Variants in SLC44A1 observed in about 807,000 individuals in gnomAD.
SLC44A1 encodes solute carrier family 44 member 1.
Under a neutral mutation model 79.3 loss-of-function variants are expected in SLC44A1, and 26 were observed. The ratio of observed to expected loss-of-function variants is 0.33; its 90% CI spans 0.24 to 0.46. The LOEUF (loss-of-function observed/expected upper bound fraction) is 0.46. Among genes scored for constraint, SLC44A1 ranks in the 20% least tolerant of loss-of-function variants. The pLI, the probability that SLC44A1 is intolerant of heterozygous loss-of-function variation, is 1.00. For missense variants in SLC44A1, 688 were observed against 798.1 expected (o/e 0.86, Z 1.66); for synonymous variants, 263 against 286.2 (o/e 0.92, Z 0.82).
intron 3 of SLC44A1, among the ~76,000 whole-genome samples, chr9:105,314,100 C>T (rs1193817871): frequency 1.3e-5 from 2 of 152,088 alleles, no homozygotes; most frequent in African/African-American, 4.8e-5. Flanking sequence ...AGAGAGGAAG[C>T]TCGCTGTCTT....
At chr9:105,310,042 T>C (rs1019159677) in intron 3 of SLC44A1, among the ~76,000 whole-genome samples, 176 bp downstream of exon 3, 1 of 152,186 alleles carries the variant, frequency 6.6e-6, no homozygotes, top group African/African-American at 2.4e-5. Context: ...CTTATTGGTC[T>C]ACAAATAACA....
At chr9:105,275,874 A>C (rs768132397) in intron 1 of SLC44A1, among the ~76,000 whole-genome samples, 1 of 149,840 alleles carries the variant, frequency 6.7e-6, no homozygotes, top group Non-Finnish European at 1.5e-5. Context: ...GCGCGATCTC[A>C]GCTCACTGCA....
chr9:105,328,551 A>G (rs1564440139), intron 3 of SLC44A1, among the ~76,000 whole-genome samples: 2 of 152,172 alleles, frequency 1.3e-5, no homozygotes, highest in African/African-American at 2.4e-5. Context: ...GTGAGGTTAG[A>G]GAGGTGCACA....
At position 105,389,342 on chromosome 9, in the gene SLC44A1, A is replaced by G. The variant is rs1828706642; in HGVS notation, c.*286A>G. The stretch of plus-strand genomic sequence containing the variant: ...TTCAACTGTAATTGTCTTAATGGAA[A>G]TGTTAAAATTCATATCTGATTAACA... On this transcript the variant is annotated 3_prime_UTR_variant, in exon 16 of 16. Transcript: ENST00000374720. 3 of 1,134,606 alleles carry G rather than the reference A, an allele frequency of 2.6e-6. No individual in the cohort carries two copies. The East Asian group carries it at 1.4e-4, about 52-fold the overall frequency. The allele number at this position is 1,134,606 out of a possible 1,614,324, so 70.3% of individuals were successfully genotyped here.
intron 1 of SLC44A1, among the ~76,000 whole-genome samples, chr9:105,260,100 A>T (rs1017231938): frequency 6.6e-6 from 1 of 152,224 alleles, no homozygotes; most frequent in Non-Finnish European, 1.5e-5. Context: ...TCTCCCAAGT[A>T]TGTGCTTCCA....
intron 15 of SLC44A1, among the ~76,000 whole-genome samples, chr9:105,387,060 A>AAAAAAAAATAT (rs34780893): frequency 1.3e-4 from 1 of 7,716 alleles, no homozygotes; most frequent in African/African-American, 4.1e-4. Context: ...AAAAAAAAAA[A>AAAAAAAAATAT]ATATATATAT....
chr9:105,355,083 T>C (rs575923957), intron 5 of SLC44A1, among the ~76,000 whole-genome samples: 24 of 152,354 alleles, frequency 1.6e-4, no homozygotes, highest in African/African-American at 5.8e-4. Flanking sequence ...TAAGAACAAT[T>C]CTGGAAATGT....
chr9:105,345,073 G>GC (rs1414779639), intron 4 of SLC44A1, among the ~76,000 whole-genome samples: 3 of 152,176 alleles, frequency 2.0e-5, no homozygotes, highest in Non-Finnish European at 4.4e-5. Flanking sequence ...GCTTTAGGAG[G>GC]ACCTTGAATC....
intron 5 of SLC44A1, among the ~76,000 whole-genome samples, chr9:105,352,468 T>C (rs1005358454): frequency 5.3e-5 from 8 of 152,178 alleles, no homozygotes; most frequent in Non-Finnish European, 1.2e-4. Flanking sequence ...AATTTTCATA[T>C]GAGGGACTAA....
intron 3 of SLC44A1, among the ~76,000 whole-genome samples, chr9:105,315,401 A>T (rs925645269): frequency 4.6e-5 from 7 of 151,872 alleles, no homozygotes; most frequent in Admixed American, 6.6e-5. Flanking sequence ...ATTTTAAGGA[A>T]ACTCCATATT....
intron 12 of SLC44A1, among the ~76,000 whole-genome samples, chr9:105,368,103 G>C (rs993723133): frequency 6.6e-6 from 1 of 151,996 alleles, no homozygotes; most frequent in Non-Finnish European, 1.5e-5. Flanking sequence ...ATGATATCAA[G>C]ATAGTCGATA....
At chr9:105,436,871 G>A (rs1489812072) in intron 15 of SLC44A1, among the ~76,000 whole-genome samples, 1 of 152,142 alleles carries the variant, frequency 6.6e-6, no homozygotes, top group East Asian at 1.9e-4. Context: ...CATGTGACCT[G>A]TTTTAAGCAC....
intron 15 of SLC44A1, 93 bp downstream of exon 15, chr9:105,385,595 A>G: frequency 6.5e-7 from 1 of 1,527,612 alleles, no homozygotes; most frequent in Admixed American, 2.1e-5. Flanking sequence ...CTTCAGGAGA[A>G]GCTTTTGTTA....
intron 1 of SLC44A1, among the ~76,000 whole-genome samples, chr9:105,278,774 A>G (rs1703469651): frequency 6.6e-6 from 1 of 152,240 alleles, no homozygotes; most frequent in South Asian, 2.1e-4. Flanking sequence ...CAGCTACCAC[A>G]TATGCTAAAG....
At chr9:105,323,164 C>T (rs1247210116) in intron 3 of SLC44A1, among the ~76,000 whole-genome samples, 7 of 142,200 alleles carry the variant, frequency 4.9e-5, no homozygotes, top group South Asian at 2.2e-4. Context: ...TGCAGTGAGC[C>T]GAGATCATGC....
intron 1 of SLC44A1, among the ~76,000 whole-genome samples, chr9:105,260,230 A>G (rs370758081): frequency 1.7e-4 from 26 of 152,272 alleles, no homozygotes; most frequent in African/African-American, 5.8e-4. Context: ...CCATTTGAAA[A>G]GTAATCATGC....
At position 105,362,866 on chromosome 9, in the gene SLC44A1, C is replaced by G; in HGVS notation, c.946C>G (p.Leu316Val). The change falls in exon 9 of 16, where the codon CTT (leucine) becomes GTT (valine). Residue 316 changes from leucine to valine, a missense_variant. By Grantham distance (32) the Leu-to-Val change is conservative. Transcript: ENST00000374720. ...IMLVMRKRVALTIALFHVAGK... is the reference protein window; with the variant it reads ...IMLVMRKRVAVTIALFHVAGK... ...GTTGGTTATGCGCAAACGTGTTGCTCTTACCATCGCCTTGTTCCACGTAGC... is the reference window on the plus strand; with the variant it reads ...GTTGGTTATGCGCAAACGTGTTGCTGTTACCATCGCCTTGTTCCACGTAGC... 1 of 1,612,922 alleles carries G rather than the reference C, an allele frequency of 6.2e-7. No individual in the cohort carries two copies. Among genetic ancestry groups the G allele is most frequent in the Non-Finnish European group, 8.5e-7 (1 of 1,179,650 alleles).
intron 4 of SLC44A1, among the ~76,000 whole-genome samples, chr9:105,340,429 G>A (rs1467203150): frequency 1.3e-5 from 2 of 152,226 alleles, no homozygotes; most frequent in African/African-American, 4.8e-5. Context: ...AGTTTTGTAA[G>A]ATGAAGAGAG....
chr9:105,408,510 A>G (rs1055736485), intron 15 of SLC44A1, among the ~76,000 whole-genome samples: 1 of 152,086 alleles, frequency 6.6e-6, no homozygotes, highest in Admixed American at 6.6e-5. Flanking sequence ...CCTGGGTTCA[A>G]GTGATTCTCC....
Sources: allele counts gnomAD v4.1 joint callset (sites outside exome capture counted in the v4.1 genomes callset), GRCh38; gene constraint gnomAD v4.1.1; transcripts MANE v1.5; gene names NCBI Gene and HGNC (gene_info 2026-07-23, HGNC 2026-07-21).